The following CEP131 variants were observed in gnomAD, a reference collection of about 807,000 sequenced individuals.
CEP131 encodes centrosomal protein 131, also known as centrosomal protein of 131 kDa.
In CEP131, 99 loss-of-function variants were observed where a neutral mutation model predicts 136.8. The ratio of observed to expected loss-of-function variants is 0.72; its 90% confidence interval spans 0.62 to 0.86. The LOEUF (loss-of-function observed/expected upper bound fraction) is 0.86, where lower values mean the gene tolerates loss of function less well. CEP131 is among the 40% of genes least tolerant of loss of function. The pLI, the probability that CEP131 is intolerant of heterozygous loss-of-function variation, is 0.00. For missense variants in CEP131, 1,459 were observed against 1,463.0 expected (o/e 1.00, Z 0.04); for synonymous variants, 646 against 612.7 (o/e 1.05, Z -0.80).
At chr17:81,214,644 T>C (rs1469409122) in intron 2 of CEP131, among the ~76,000 whole-genome samples, 1 of 152,144 alleles carries the variant, frequency 6.6e-6, no homozygotes, top group Non-Finnish European at 1.5e-5. Flanking sequence ...ATATGGATCC[T>C]GTAAAGGCCA....
intron 5 of CEP131, 36 bp downstream of exon 5, chr17:81,206,708 A>G (rs751192622): frequency 1.1e-4 from 167 of 1,580,830 alleles, no homozygotes; most frequent in Non-Finnish European, 1.3e-4. Flanking sequence ...GGAGCTTCCC[A>G]CTGGTGCCCG....
At chr17:81,196,850 G>C (rs753527574) in intron 14 of CEP131, 24 bp from the exon 15 acceptor site, 6 of 1,598,834 alleles carry the variant, frequency 3.8e-6, no homozygotes, top group Non-Finnish European at 2.6e-6. Context: ...GCAGAGGAGG[G>C]AAGCGCTAGG....
intron 2 of CEP131, among the ~76,000 whole-genome samples, chr17:81,214,993 G>A (rs568193501): frequency 6.1e-4 from 93 of 151,980 alleles, no homozygotes; most frequent in African/African-American, 2.1e-3. Flanking sequence ...TAGCCAGGAT[G>A]GTCTCAATCT....
rs761901657 is a variant in CEP131, at chr17:81,207,206, G to A, written c.306C>T (p.Phe102=). Residue 102 remains phenylalanine, a synonymous_variant, in exon 4 of 26, where the codon TTC becomes TTT. Coordinates refer to ENST00000450824, the MANE Select transcript of CEP131 (RefSeq NM_014984.4). ...PTEPTDFLML[F]EGSPSGKKRP... ...TCTTTTTCCCACTGGGGCTGCCCTC[G>A]AAGAGCATCAGGAAGTCTGTGGGCT... 104 of 1,613,446 alleles carry A rather than the reference G, an allele frequency of 6.4e-5. No individual in the cohort carries two copies. The highest frequency in any genetic ancestry group is 1.3e-4 in the South Asian group (12 of 91,072).
At chr17:81,217,168 G>A (rs1031264312) in intron 2 of CEP131, among the ~76,000 whole-genome samples, 19 of 152,046 alleles carry the variant, frequency 1.2e-4, no homozygotes, top group South Asian at 4.2e-4. Context: ...ATGATCTAGG[G>A]GGCTAGAGGA....
At chr17:81,200,485 G>C in intron 7 of CEP131, 39 bp from the exon 8 acceptor site, 1 of 1,467,916 alleles carries the variant, frequency 6.8e-7, no homozygotes. Context: ...GACAGGACCA[G>C]CGCCCCGGCA....
At chr17:81,206,603 G>C in intron 5 of CEP131, 141 bp downstream of exon 5, 1 of 1,257,428 alleles carries the variant, frequency 8.0e-7, no homozygotes, top group Non-Finnish European at 1.1e-6. Context: ...CCTTGGGAAT[G>C]AAAGCCATTC....
Position 81,191,343 on chromosome 17 carries a change from G to A in CEP131, c.2623-8C>T, listed in dbSNP as rs200097860. ...GTTCAGCAGCCACGCCTCCTGGGGG[G>A]ACATGCGCTGCCTGGGGGTTGCCAC... On this transcript the variant is annotated splice_polypyrimidine_tract_variant and splice_region_variant and intron_variant, in intron 21 of 25. Transcript: ENST00000450824. 6.2e-6 allele frequency: 10 copies of A among 1,612,334 alleles called. No individual in the cohort carries two copies. Among genetic ancestry groups the A allele is most frequent in the South Asian group, 3.3e-5 (3 of 91,046 alleles).
In CEP131 at chr17:81,199,841, A is replaced by G; in HGVS notation, c.907-6T>C. On this transcript the variant is annotated splice_polypyrimidine_tract_variant and splice_region_variant and intron_variant, in intron 8 of 25. Coordinates refer to ENST00000450824, the MANE Select transcript of CEP131 (RefSeq NM_014984.4). ...CCTGACCGCTGCCGCTGCTCCTGCC[A>G]AAGAAGCCGGTGCCATGTGGCGTTT... 6.2e-7 allele frequency: 1 copy of G among 1,610,324 alleles called. No homozygotes were observed. The highest frequency in any genetic ancestry group is 8.5e-7 in the Non-Finnish European group (1 of 1,179,854).
At chr17:81,207,313 G>T in intron 3 of CEP131, 74 bp from the exon 4 acceptor site, 1 of 1,364,254 alleles carries the variant, frequency 7.3e-7, no homozygotes, top group Non-Finnish European at 1.0e-6. Context: ...CACAGACCAG[G>T]CAGGTCCCGC....
intron 1 of CEP131, among the ~76,000 whole-genome samples, chr17:81,222,228 T>C (rs2146785770): frequency 6.6e-6 from 1 of 152,242 alleles, no homozygotes; most frequent in Non-Finnish European, 1.5e-5. Context: ...TGGATAAAAC[T>C]GTGTCCCTCC....
rs1321462914 is a variant in CEP131 at position 81,189,977 on chromosome 17, T to C, written c.3108-2A>G. On this transcript the variant is annotated splice_acceptor_variant, in intron 24 of 25. Transcript: ENST00000450824. LOFTEE classifies it high-confidence loss of function. ...TTCCTCGCGAGGGCTGTCTTCACCC[T>C]GTGGGTAGTACATGGTAGGCTTCAG... The C allele has an allele frequency of 6.2e-7, 1 of 1,606,746 alleles. No individual in the cohort carries two copies. Among genetic ancestry groups the C allele is most frequent in the African/African-American group, 1.3e-5 (1 of 74,960 alleles).
chr17:81,193,626 G>C (rs1311853095), intron 18 of CEP131, among the ~76,000 whole-genome samples: 2 of 152,206 alleles, frequency 1.3e-5, no homozygotes, highest in African/African-American at 4.8e-5. Context: ...TCTGGGGCCA[G>C]TTGTGAAAGA....
rs994124663 is a variant in CEP131, at chr17:81,208,085, CCA to C, written c.272+841_272+842del. On this transcript the variant is annotated intron_variant, in intron 3 of 25. Transcript: ENST00000450824. The surrounding 1 kb of genome is among the most constrained non-coding windows in gnomAD (Gnocchi z 5.6). Reference sequence around the variant, plus strand: ...TCACACCACACACCCACACACCACACCACACACACACACTTATGCCACACACC... The same window carrying C: ...TCACACCACACACCCACACACCACACCACACACACACTTATGCCACACACC... Among the ~76,000 whole-genome samples the C allele has an allele frequency of 8.1e-4, 115 of 142,720 alleles. No individual in the cohort carries two copies. The highest frequency in any genetic ancestry group is 2.8e-3 in the African/African-American group (109 of 38,254). The allele number at this position is 142,720 out of a possible 152,430, so 93.6% of individuals were successfully genotyped here.
chr17:81,191,139 C>A, intron 22 of CEP131, 54 bp downstream of exon 22: 1 of 1,605,358 alleles, frequency 6.2e-7, no homozygotes, highest in Non-Finnish European at 8.5e-7. Flanking sequence ...CGGGTCCTTG[C>A]GCCTCAGCTC....
At chr17:81,222,623 G>A (rs866683440) in intron 1 of CEP131, 146 bp downstream of exon 1, 1 of 151,192 alleles carries the variant, frequency 6.6e-6, no homozygotes, top group Non-Finnish European at 1.5e-5. Flanking sequence ...TCAATTGCGC[G>A]GGCACCAGAT....
At chr17:81,193,241 GCCAGGTGCCTGGCTCC>G (rs1177026028) in intron 18 of CEP131, among the ~76,000 whole-genome samples, 45 of 152,336 alleles carry the variant, frequency 3.0e-4, no homozygotes, top group African/African-American at 1.1e-3. Flanking sequence ...GCCTGAGGGT[GCCAGGTGCCTGGCTCC>G]GTGACCTGAG....
At chr17:81,209,461 A>C (rs80004327) in intron 2 of CEP131, among the ~76,000 whole-genome samples, 3,615 of 152,268 alleles carry the variant, frequency 0.024, 143 homozygotes, top group African/African-American at 0.079. Context: ...GACGCAACCA[A>C]GACCAGGTGC....
intron 2 of CEP131, among the ~76,000 whole-genome samples, chr17:81,218,351 C>T (rs949341929): frequency 2.0e-5 from 3 of 152,148 alleles, no homozygotes; most frequent in South Asian, 2.1e-4. Flanking sequence ...CCCAGATCTG[C>T]GATTTCGAGT....
Sources: gnomAD v4.1 joint callset for allele counts (sites outside exome capture counted in the v4.1 genomes callset) on GRCh38, gnomAD v4.1.1 for gene constraint, Gnocchi (gnomAD v3.1) non-coding constraint, MANE v1.5 for transcripts, NCBI Gene and HGNC (gene_info 2026-07-23, HGNC 2026-07-21) for gene names.